The following FBN3 variants were observed in gnomAD, a reference collection of about 807,000 sequenced individuals.
The protein encoded by FBN3 is fibrillin-3.
A neutral mutation model predicts 330.1 loss-of-function variants in FBN3; 234 were observed. That is an observed-to-expected ratio of 0.71 (90% CI 0.64 to 0.79). The LOEUF (loss-of-function observed/expected upper bound fraction) is 0.79. Ranked by LOEUF, FBN3 falls within the 30% of genes least tolerant of loss-of-function variation. The probability of loss-of-function intolerance (pLI) is 0.00; values close to 1 mark genes in which losing one functional copy is unlikely to be tolerated. For synonymous variants in FBN3, 1,458 were observed against 1,517.3 expected, an observed-to-expected ratio of 0.96 and a Z score of 0.91; for missense variants, 3,606 against 3,886.9, an observed-to-expected ratio of 0.93 and a Z score of 1.92.
intron 59 of FBN3, among the ~76,000 whole-genome samples, chr19:8,077,613 T>A (rs1440888710): frequency 6.6e-6 from 1 of 152,078 alleles, no homozygotes; most frequent in Non-Finnish European, 1.5e-5. Context: ...CGCTCCAGCC[T>A]GGGCGACAGA....
rs1166940432 is a variant in FBN3 at position 8,131,194 on chromosome 19, G to A, written c.2044+41C>T. 6.3e-7 allele frequency: 1 copy of A among 1,586,166 alleles called. No individual in the cohort carries two copies. The highest frequency in any genetic ancestry group is 1.8e-5 in the Admixed American group (1 of 54,734). ...CACAGCTCTCCCCACATCTGGTAGG[G>A]GCAGGCTGGCTGCTGTTTGGAGGGG... On this transcript the variant is annotated intron_variant, in intron 16 of 63. Coordinates refer to ENST00000600128, the MANE Select transcript of FBN3 (RefSeq NM_032447.5). The surrounding 1 kb of genome is among the most constrained non-coding windows in gnomAD (Gnocchi z 4.5).
At chr19:8,081,628 G>T in intron 57 of FBN3, 148 bp from the exon 58 acceptor site, 2 of 869,086 alleles carry the variant, frequency 2.3e-6, no homozygotes, top group Non-Finnish European at 1.7e-6. Context: ...AAAGCCAGGT[G>T]GGAAATACAT....
intron 59 of FBN3, among the ~76,000 whole-genome samples, chr19:8,077,044 G>A (rs542946296): frequency 6.6e-6 from 1 of 152,298 alleles, no homozygotes; most frequent in South Asian, 2.1e-4. Flanking sequence ...GATTACAGGT[G>A]CAAACCACTG....
chr19:8,096,588 T>C lies in FBN3; in HGVS notation c.5414-19A>G, dbSNP rs2082214207. ...TTCCGTCCTGGGGGTGCAGAGAGCA[T>C]GGTGTTCCCAGGGCTCCTACCACAG... On this transcript the variant is annotated intron_variant, in intron 43 of 63. Transcript: ENST00000600128. The surrounding 1 kb of genome is among the most constrained non-coding windows in gnomAD (Gnocchi z 4.6). 1.2e-6 allele frequency: 2 copies of C among 1,600,272 alleles called. No homozygotes were observed. The highest frequency in any genetic ancestry group is 1.7e-5 in the Admixed American group (1 of 59,424).
intron 25 of FBN3, among the ~76,000 whole-genome samples, chr19:8,120,274 A>T (rs1166405216): frequency 6.7e-6 from 1 of 148,728 alleles, no homozygotes; most frequent in Non-Finnish European, 1.5e-5. Context: ...GGTTCAAGCA[A>T]TTCTCCTGCC....
At chr19:8,124,907 C>T (rs1038942969) in intron 22 of FBN3, among the ~76,000 whole-genome samples, 3 of 152,180 alleles carry the variant, frequency 2.0e-5, no homozygotes, top group African/African-American at 4.8e-5. Context: ...ATTATACGTT[C>T]GTCCAAACCC....
chr19:8,091,586 G>C lies in FBN3; in HGVS notation c.5910C>G (p.Ile1970Met). Residue 1970 changes from isoleucine (I) to methionine (M), a missense_variant, in exon 48 of 64, where the codon ATC becomes ATG. Coordinates refer to ENST00000600128, the MANE Select transcript of FBN3 (RefSeq NM_032447.5). ...GGTTGGGCTCCTCTGAGCACTCGTCGATATCTGGAAGGGCAGGGACATGAG... is the reference window on the plus strand; with the variant it reads ...GGTTGGGCTCCTCTGAGCACTCGTCCATATCTGGAAGGGCAGGGACATGAG... The part of the protein sequence containing the change: ...FQVQSDHCID[I>M]DECSEEPNLC... 6.2e-7 allele frequency: 1 copy of C among 1,614,100 alleles called. No individual in the cohort carries two copies. Among genetic ancestry groups the C allele is most frequent in the Non-Finnish European group, 8.5e-7 (1 of 1,180,000 alleles).
At chr19:8,145,760 A>G (rs2083526252) in intron 5 of FBN3, 83 bp downstream of exon 5, 2 of 990,850 alleles carry the variant, frequency 2.0e-6, no homozygotes, top group African/African-American at 1.6e-5. Context: ...AACCCTGGGC[A>G]GTGGGCAGGT....
chr19:8,083,471 A>G (rs2081856630), intron 56 of FBN3, 99 bp from the exon 57 acceptor site: 1 of 1,451,998 alleles, frequency 6.9e-7, no homozygotes, highest in Non-Finnish European at 9.5e-7. Flanking sequence ...TCCTCGGAGG[A>G]AAGTCCAGCC....
chr19:8,099,744 C>T (rs1278279561), intron 41 of FBN3, among the ~76,000 whole-genome samples: 1 of 152,020 alleles, frequency 6.6e-6, no homozygotes, highest in African/African-American at 2.4e-5. Flanking sequence ...GGCTCAGTGG[C>T]TCACACCTGT....
intron 59 of FBN3, among the ~76,000 whole-genome samples, chr19:8,079,404 A>G (rs12984484): frequency 0.62 from 93,594 of 151,466 alleles, 30,391 homozygotes; most frequent in African/African-American, 0.82. Flanking sequence ...GTGATGGAGC[A>G]AGACTCCATC....
intron 59 of FBN3, among the ~76,000 whole-genome samples, chr19:8,078,792 T>TCTC (rs56317214): frequency 5.4e-5 from 7 of 129,508 alleles, no homozygotes; most frequent in South Asian, 2.5e-4. Context: ...TCTCTCTCTC[T>TCTC]TTTTTTTTTT....
In FBN3 at chr19:8,149,176, C is replaced by T. The variant is rs1310572304; in HGVS notation, c.-18+273G>A. Among the ~76,000 whole-genome samples the T allele has an allele frequency of 6.6e-6, 1 of 152,010 alleles. No individual in the cohort carries two copies. The highest frequency in any genetic ancestry group is 1.5e-5 in the Non-Finnish European group (1 of 67,970). On this transcript the variant is annotated intron_variant, in intron 1 of 63. Coordinates refer to ENST00000600128, the MANE Select transcript of FBN3 (RefSeq NM_032447.5). This position sits in a 1 kb window ranked among gnomAD's most constrained non-coding sequence, Gnocchi z 5.5. The stretch of plus-strand genomic sequence containing the variant: ...GGCGCGATCTCCACCCGGCAGGGCC[C>T]CCGGCCGCGACCACGCTTGGCTCCG...
intron 63 of FBN3, among the ~76,000 whole-genome samples, chr19:8,066,653 G>C (rs1177524983): frequency 6.6e-6 from 1 of 152,142 alleles, no homozygotes; most frequent in African/African-American, 2.4e-5. Flanking sequence ...GGCCGAGGCG[G>C]GTGGATCACA....
In FBN3 at chr19:8,145,937, C is replaced by T. The variant is rs2083533169; in HGVS notation, c.351G>A (p.Gly117=). 1.3e-6 allele frequency: 2 copies of T among 1,551,084 alleles called. No homozygotes were observed. Residue 117 remains glycine, a splice_region_variant and synonymous_variant, in exon 5 of 64, where the codon GGG becomes GGA. Coordinates refer to ENST00000600128, the MANE Select transcript of FBN3 (RefSeq NM_032447.5). ...TCATACAGCTCACACTGCACCCTGACCCTGGGGACAGGAAGGCAGGACGCA... is the reference window on the plus strand; with the variant it reads ...TCATACAGCTCACACTGCACCCTGATCCTGGGGACAGGAAGGCAGGACGCA... ...TLAPSCGVSR[G]SGCSVSCMNG...
Position 8,147,126 on chromosome 19 carries a change from A to G in FBN3, c.228T>C (p.Pro76=). The G allele has an allele frequency of 6.4e-7, 1 of 1,569,326 alleles. No homozygotes were observed. Among genetic ancestry groups the G allele is most frequent in the Non-Finnish European group, 8.6e-7 (1 of 1,159,314 alleles). The change falls in exon 3 of 64, where the codon CCT becomes CCC. Residue 76 remains proline (P), a synonymous_variant. Transcript: ENST00000600128. Reference sequence around the variant, plus strand: ...CACGTACGACACACTGGCTCCTGCCAGGGAATGTCCTCCAGCCTGGACAGC... The same window carrying G: ...CACGTACGACACACTGGCTCCTGCCGGGGAATGTCCTCCAGCCTGGACAGC... The part of the protein sequence containing the change: ...AYCCPGWRTF[P]GRSQCVVPIC...
intron 48 of FBN3, among the ~76,000 whole-genome samples, 176 bp downstream of exon 48, chr19:8,091,289 C>T (rs1244637998): frequency 2.0e-5 from 3 of 152,220 alleles, no homozygotes; most frequent in Non-Finnish European, 4.4e-5. Flanking sequence ...ATAGACATGA[C>T]CTCTATAGCC....
At chr19:8,081,186 C>A in intron 58 of FBN3, 67 bp from the exon 59 acceptor site, 1 of 1,509,612 alleles carries the variant, frequency 6.6e-7, no homozygotes, top group Non-Finnish European at 9.2e-7. Context: ...TTCCCAGGGG[C>A]TGCCCTTGCC....
At position 8,131,810 on chromosome 19, in the gene FBN3, C is replaced by T. The variant is rs75599703; in HGVS notation, c.1734G>A (p.Thr578=). 6.0e-4 allele frequency: 958 copies of T among 1,597,974 alleles called. 1 individual carries two copies. Among genetic ancestry groups the T allele is most frequent in the Non-Finnish European group, 7.8e-4 (912 of 1,168,600 alleles). The change falls in exon 15 of 64, where the codon ACG becomes ACA. Residue 578 remains threonine (T), a synonymous_variant. Coordinates refer to ENST00000600128, the MANE Select transcript of FBN3 (RefSeq NM_032447.5). This position sits in a 1 kb window ranked among gnomAD's most constrained non-coding sequence, Gnocchi z 4.5. ...AGTGGCCGTTCACGCAGATGCCGGG[C>T]GTCTGGCACTCGTCAATGTCTGCAG... ...HYCMDIDECQ[T]PGICVNGHCT... is the part of the protein sequence containing the mutation.
Sources: gnomAD v4.1 joint callset for allele counts (sites outside exome capture counted in the v4.1 genomes callset) on GRCh38, gnomAD v4.1.1 for gene constraint, Gnocchi (gnomAD v3.1) non-coding constraint, MANE v1.5 for transcripts, NCBI Gene and HGNC (gene_info 2026-07-23, HGNC 2026-07-21) for gene names.